Variants in KANK1 observed in about 807,000 individuals in gnomAD.
KANK1 encodes KN motif and ankyrin repeat domain-containing protein 1.
In KANK1, 109 loss-of-function variants were observed where a neutral mutation model predicts 106.2. The observed-to-expected ratio is 1.03, with a 90% confidence interval of 0.88 to 1.20. KANK1 has a LOEUF of 1.20. Among genes scored for constraint, KANK1 ranks in the 50% most tolerant of loss-of-function variants. The pLI is 0.00. For synonymous variants in KANK1, 873 were observed against 652.2 expected (o/e 1.34, Z -5.16); for missense variants, 2,399 against 1,710.7 (o/e 1.40, Z -7.10).
intron 2 of KANK1, among the ~76,000 whole-genome samples, chr9:696,450 A>G (rs965647637): frequency 2.0e-5 from 3 of 152,176 alleles, no homozygotes; most frequent in Non-Finnish European, 4.4e-5. Flanking sequence ...AGGACAGAGC[A>G]GTTGAGGGTA....
In KANK1 at chr9:536,798, G is replaced by T. The variant is rs530019906; in HGVS notation, c.-84+32044G>T. On this transcript the variant is annotated intron_variant, in intron 1 of 11. Coordinates refer to ENST00000382297, the MANE Select transcript of KANK1 (RefSeq NM_015158.5). Reference sequence around the variant, plus strand: ...GGGAATTAGAAGTTGGGCACCTTTGGGGGGCGCATTTTTCTGCCTGCCACA... The same window carrying T: ...GGGAATTAGAAGTTGGGCACCTTTGTGGGGCGCATTTTTCTGCCTGCCACA... Among the ~76,000 whole-genome samples the T allele has an allele frequency of 2.6e-5, 4 of 152,278 alleles. No individual in the cohort carries two copies. The South Asian group carries it at 8.3e-4, about 32-fold the overall frequency.
At position 731,181 on chromosome 9, in the gene KANK1, C is replaced by T. The variant is rs755514917; in HGVS notation, c.2920C>T (p.Leu974=). Residue 974 remains leucine, a synonymous_variant, in exon 5 of 12, where the codon CTG becomes TTG. Coordinates refer to ENST00000382297, the MANE Select transcript of KANK1 (RefSeq NM_015158.5). Reference sequence around the variant, plus strand: ...AGCATGTACAAACAATGAAAGTACACTGAAGTCCATCATGAAGAAGAAAGA... The same window carrying T: ...AGCATGTACAAACAATGAAAGTACATTGAAGTCCATCATGAAGAAGAAAGA... ...LYACTNNEST[L]KSIMKKKDGN... is the part of the protein sequence containing the mutation. 3 of 1,609,488 alleles carry T rather than the reference C, an allele frequency of 1.9e-6. No homozygotes were observed. Among genetic ancestry groups the T allele is most frequent in the Non-Finnish European group, 1.7e-6 (2 of 1,176,290 alleles).
At chr9:693,436 A>ACAG in intron 2 of KANK1, 1 of 985,450 alleles carries the variant, frequency 1.0e-6, no homozygotes, top group Admixed American at 6.1e-5. Context: ...TAACAGGCTT[A>ACAG]CAGCTGCATT....
intron 7 of KANK1, chr9:735,696 A>G (rs1389723673): frequency 4.8e-6 from 2 of 412,954 alleles, no homozygotes; most frequent in Non-Finnish European, 1.0e-5. Flanking sequence ...TTTCTATATC[A>G]TAATACCTAA....
chr9:655,713 G>C (rs1314992275), intron 1 of KANK1, among the ~76,000 whole-genome samples: 2 of 152,178 alleles, frequency 1.3e-5, no homozygotes, highest in African/African-American at 4.8e-5. Flanking sequence ...TTTTTACGTA[G>C]TATAGAACAA....
intron 1 of KANK1, among the ~76,000 whole-genome samples, chr9:580,699 C>G (rs1020419536): frequency 6.6e-6 from 1 of 152,262 alleles, no homozygotes; most frequent in Non-Finnish European, 1.5e-5. Context: ...AGGAGTCCAG[C>G]TGGCTTCACC....
At chr9:708,264 G>C (rs1824860795) in intron 2 of KANK1, among the ~76,000 whole-genome samples, 1 of 144,122 alleles carries the variant, frequency 6.9e-6, no homozygotes, top group African/African-American at 2.5e-5. Flanking sequence ...TCCTGTTAAT[G>C]GAATTTCAGA....
Position 472,834 on chromosome 9 carries a change from A to G in KANK1, c.-441-360A>G, listed in dbSNP as rs80079439. Among the ~76,000 whole-genome samples, 116 of 152,310 alleles carry G rather than the reference A, an allele frequency of 7.6e-4. 3 individuals carry two copies. The East Asian group carries it at 0.021, about 28-fold the overall frequency. ...GCAGGCATGACAGCCAGGCTTCCTG[A>G]TACATGAGTGATGCTATCTTGGATT... On this transcript the variant is annotated intron_variant, in intron 2 of 15. Transcript: ENST00000382303.
At chr9:472,363 A>C in intron 2 of KANK1, among the ~76,000 whole-genome samples, 1 of 152,052 alleles carries the variant, frequency 6.6e-6, no homozygotes, top group East Asian at 1.9e-4. Flanking sequence ...GAGATTTCCA[A>C]CCCTCTGCCA....
intron 1 of KANK1, among the ~76,000 whole-genome samples, chr9:653,315 A>C (rs1283441169): frequency 6.6e-6 from 1 of 152,038 alleles, no homozygotes; most frequent in South Asian, 2.1e-4. Context: ...TGGTCTCTCT[A>C]GTGCTACTAC....
At position 606,142 on chromosome 9, in the gene KANK1, TACACACACACACACACACACACACACAC is replaced by T. The variant is rs3028170; in HGVS notation, c.-83-70735_-83-70708del. Among the ~76,000 whole-genome samples, 4 of 141,754 alleles carry T rather than the reference TACACACACACACACACACACACACACAC, an allele frequency of 2.8e-5. No homozygotes were observed. In the East Asian group the frequency reaches 6.2e-4, roughly 22 times the overall value. 93.0% of individuals were successfully genotyped at this position (141,754 alleles called of 152,430 possible). A position where few individuals can be genotyped will look rare whatever the true frequency, so the allele number is the denominator to read the frequency against. On this transcript the variant is annotated intron_variant, in intron 1 of 11. Coordinates refer to ENST00000382297, the MANE Select transcript of KANK1 (RefSeq NM_015158.5). ...TATAGCATTGAATTACACATATTCC[TACACACACACACACACACACACACACAC>T]ACACACACACACCACTCACACATAT... is the stretch of plus-strand genomic sequence containing the variant.
At chr9:480,790 G>A (rs114567503) in intron 3 of KANK1, among the ~76,000 whole-genome samples, 2,177 of 152,326 alleles carry the variant, frequency 0.014, 43 homozygotes, top group Admixed American at 0.05. Context: ...AAGATCTGCA[G>A]ATTAGGGGTG....
At chr9:684,451 G>T in intron 2 of KANK1, 1 of 985,448 alleles carries the variant, frequency 1.0e-6, no homozygotes, top group Non-Finnish European at 1.2e-6. Flanking sequence ...GATTCGCTGT[G>T]TTAAGAACTC....
chr9:732,758 T>C (rs1415902667), intron 6 of KANK1, 141 bp downstream of exon 6: 2 of 870,870 alleles, frequency 2.3e-6, no homozygotes. Flanking sequence ...GAGATACTAA[T>C]ATATACAAGT....
chr9:508,160 T>TG (rs2058858754), intron 1 of KANK1, among the ~76,000 whole-genome samples: 1 of 109,214 alleles, frequency 9.2e-6, no homozygotes, highest in Non-Finnish European at 1.9e-5. Flanking sequence ...TTTTTTGAGA[T>TG]GGAGTTTCTT....
chr9:686,602 C>T (rs570920511), intron 2 of KANK1, among the ~76,000 whole-genome samples: 1 of 152,280 alleles, frequency 6.6e-6, no homozygotes, highest in East Asian at 1.9e-4. Context: ...AATTGCAAAA[C>T]ACTGTGATGC....
intron 1 of KANK1, among the ~76,000 whole-genome samples, chr9:538,929 G>A (rs1248646889): frequency 2.0e-5 from 3 of 152,184 alleles, no homozygotes; most frequent in East Asian, 1.9e-4. Flanking sequence ...TGCCCAGGCT[G>A]GAGTACAGTG....
intron 3 of KANK1, among the ~76,000 whole-genome samples, chr9:724,690 T>C (rs1830223369): frequency 6.6e-6 from 1 of 152,002 alleles, no homozygotes; most frequent in Non-Finnish European, 1.5e-5. Context: ...TAATCCCAGC[T>C]ACTCAGGAGG....
chr9:744,520 G>A lies in KANK1; in HGVS notation c.3927G>A (p.Leu1309=), dbSNP rs1479778420. Residue 1309 remains leucine, a synonymous_variant, in exon 11 of 12, where the codon CTG becomes CTA. Transcript: ENST00000382297. The part of the protein sequence containing the change: ...NDGSTALSIA[L]EAGHKDIAVL... ...GCAGCACTGCGCTCTCAATCGCCCT[G>A]GAAGCAGGACACAAGGACATCGCTG... The A allele has an allele frequency of 6.2e-7, 1 of 1,614,148 alleles. No homozygotes were observed. Among genetic ancestry groups the A allele is most frequent in the Admixed American group, 1.7e-5 (1 of 60,020 alleles).
Sources: gnomAD v4.1 joint callset for allele counts (sites outside exome capture counted in the v4.1 genomes callset) on GRCh38, gnomAD v4.1.1 for gene constraint, MANE v1.5 for transcripts, NCBI Gene and HGNC (gene_info 2026-07-23, HGNC 2026-07-21) for gene names.